The following C10orf105 variants were observed in gnomAD, a reference collection of about 807,000 sequenced individuals.
C10orf105 encodes uncharacterized protein C10orf105.
In C10orf105, 2 loss-of-function variants were observed where a neutral mutation model predicts 0.6. That is an observed-to-expected ratio of 3.18 (90% CI 1.30 to 10.01). The LOEUF (loss-of-function observed/expected upper bound fraction) is 10.01, where lower values mean the gene tolerates loss of function less well. Ranked by LOEUF, C10orf105 falls within the 30% of genes most tolerant of loss-of-function variation. The pLI, the probability that C10orf105 is intolerant of heterozygous loss-of-function variation, is 0.04. For synonymous variants in C10orf105, 95 were observed against 82.4 expected (o/e 1.15, Z -0.83); for missense variants, 209 against 191.4 (o/e 1.09, Z -0.54).
intron 1 of C10orf105, among the ~76,000 whole-genome samples, chr10:71,731,263 G>C (rs913511133): frequency 2.0e-5 from 3 of 152,228 alleles, no homozygotes; most frequent in Non-Finnish European, 2.9e-5. Flanking sequence ...CCCCAGAGAG[G>C]CTCCCTGAGC....
intron 1 of C10orf105, among the ~76,000 whole-genome samples, chr10:71,729,980 G>A (rs542745580): frequency 1.3e-3 from 196 of 151,924 alleles, no homozygotes; most frequent in Non-Finnish European, 2.3e-3. Context: ...GACTACAGGC[G>A]CCCGCCACCA....
chr10:71,717,530 G>A (rs1298367422), intron 1 of C10orf105: 1 of 152,296 alleles, frequency 6.6e-6, no homozygotes, highest in East Asian at 1.9e-4. Context: ...GACGGTCCTT[G>A]TCGATGGAAA....
At chr10:71,728,576 C>CA (rs1291505530) in intron 1 of C10orf105, among the ~76,000 whole-genome samples, 2 of 152,224 alleles carry the variant, frequency 1.3e-5, no homozygotes, top group Non-Finnish European at 1.5e-5. Flanking sequence ...GCCAGACACA[C>CA]ACGCCTCTGC....
intron 1 of C10orf105, chr10:71,730,415 G>A: frequency 6.3e-7 from 1 of 1,595,412 alleles, no homozygotes; most frequent in Non-Finnish European, 8.5e-7. Flanking sequence ...CAAGCCCTGG[G>A]CTTCCCAGCC....
At chr10:71,716,578 C>G (rs369583826) in intron 1 of C10orf105, 2 of 428,570 alleles carry the variant, frequency 4.7e-6, no homozygotes, top group Non-Finnish European at 8.3e-6. Flanking sequence ...CCTGTTCCAC[C>G]CTGTGCCCAT....
At chr10:71,720,169 G>A (rs1271860040), upstream of C10orf105, among the ~76,000 whole-genome samples, 4 of 152,204 alleles carry the variant, frequency 2.6e-5, no homozygotes, top group Non-Finnish European at 4.4e-5. Flanking sequence ...CAGGGAGAGT[G>A]CTGGTCCCTG....
upstream of C10orf105, among the ~76,000 whole-genome samples, chr10:71,721,829 G>A (rs1049215696): frequency 4.6e-5 from 7 of 152,204 alleles, no homozygotes; most frequent in African/African-American, 1.7e-4. Context: ...ACAGCCCTCT[G>A]CTGTCCCTGC....
chr10:71,724,639 T>C (rs760988084), upstream of C10orf105, among the ~76,000 whole-genome samples: 1 of 152,184 alleles, frequency 6.6e-6, no homozygotes, highest in Non-Finnish European at 1.5e-5. Flanking sequence ...AGTCCTGCTG[T>C]CCTGCAGAGC....
intron 1 of C10orf105, among the ~76,000 whole-genome samples, chr10:71,728,858 CA>C (rs2132814642): frequency 6.6e-6 from 1 of 152,282 alleles, no homozygotes; most frequent in South Asian, 2.1e-4. Flanking sequence ...TGCATGTCAC[CA>C]CCCCCGGCTA....
chr10:71,718,897 T>C (rs1259270014), intron 1 of C10orf105, among the ~76,000 whole-genome samples: 1 of 151,940 alleles, frequency 6.6e-6, no homozygotes, highest in Non-Finnish European at 1.5e-5. Context: ...TGAGTCTTCA[T>C]TTCTGAAAGA....
intron 1 of C10orf105, among the ~76,000 whole-genome samples, chr10:71,736,009 G>T (rs1161433602): frequency 6.6e-6 from 1 of 152,244 alleles, no homozygotes; most frequent in Non-Finnish European, 1.5e-5. Flanking sequence ...GGCCCACCTG[G>T]CCCTCACACA....
chr10:71,734,719 C>T, intron 1 of C10orf105: 1 of 1,144,972 alleles, frequency 8.7e-7, no homozygotes, highest in South Asian at 1.2e-5. Flanking sequence ...GCTGGCCGGG[C>T]TCTGCCTGGC....
chr10:71,730,605 G>A lies in C10orf105; in HGVS notation c.-6+7123C>T, dbSNP rs1564762808. On this transcript the variant is annotated intron_variant, in intron 1 of 1. Coordinates refer to the C10orf105 transcript ENST00000398786. ...GTCCAAGCCACAGACCGAGACTCTG[G>A]TGAGGCTGGCAGGAGGAAGCCGGGG... 1 of 1,613,766 alleles carries A rather than the reference G, an allele frequency of 6.2e-7. No homozygotes were observed. Among genetic ancestry groups the A allele is most frequent in the Non-Finnish European group, 8.5e-7 (1 of 1,179,874 alleles).
rs540342115 is a variant in C10orf105 at position 71,715,526 on chromosome 10, C to T, written c.*410G>A. 1.8e-5 allele frequency: 3 copies of T among 164,098 alleles called. No homozygotes were observed. Among genetic ancestry groups the T allele is most frequent in the African/African-American group, 7.1e-5 (3 of 41,966 alleles). 10.2% of individuals were successfully genotyped at this position (164,098 alleles called of 1,614,324 possible). On this transcript the variant is annotated 3_prime_UTR_variant, in exon 2 of 2. Transcript: ENST00000441508. ...GGTGTAGGCTGAGCATTTCACTTGA[C>T]TAAAGGGAACCTTTGCCATTTGGCA...
At position 71,713,302 on chromosome 10, in the gene C10orf105, A is replaced by G. The variant is rs766040327; in HGVS notation, c.*2634T>C. The G allele has an allele frequency of 7.7e-6, 6 of 779,048 alleles. No individual in the cohort carries two copies. The South Asian group carries it at 8.1e-5, about 10-fold the overall frequency. 48.3% of individuals were successfully genotyped at this position (779,048 alleles called of 1,614,324 possible). On this transcript the variant is annotated 3_prime_UTR_variant, in exon 2 of 2. Coordinates refer to ENST00000441508, the MANE Select transcript of C10orf105 (RefSeq NM_001164375.3). ...CAACAGCTCCAAGGCTCAGAGGGAGAGAAGGGAGGACCCTGAAAACAATTT... is the reference window on the plus strand; with the variant it reads ...CAACAGCTCCAAGGCTCAGAGGGAGGGAAGGGAGGACCCTGAAAACAATTT...
At chr10:71,735,768 C>T (rs954101025) in intron 1 of C10orf105, among the ~76,000 whole-genome samples, 13 of 152,194 alleles carry the variant, frequency 8.5e-5, no homozygotes, top group Non-Finnish European at 1.6e-4. Flanking sequence ...CTGGGCCATA[C>T]CTAAAGGCCC....
At chr10:71,727,135 T>G (rs74861291) in intron 1 of C10orf105, among the ~76,000 whole-genome samples, 2 of 152,192 alleles carry the variant, frequency 1.3e-5, no homozygotes, top group Non-Finnish European at 2.9e-5. Flanking sequence ...GTAACCCTCA[T>G]AATAGCCTTA....
Position 71,715,694 on chromosome 10 carries a change from C to T in C10orf105, c.*242G>A, listed in dbSNP as rs1441969236. Reference sequence around the variant, plus strand: ...GGCCCAGATGACCACGAGTGCACATCTCTTGACCAGAAGTCTTTCATCAAG... The same window carrying T: ...GGCCCAGATGACCACGAGTGCACATTTCTTGACCAGAAGTCTTTCATCAAG... On this transcript the variant is annotated 3_prime_UTR_variant, in exon 2 of 2. Transcript: ENST00000441508. 4 of 390,984 alleles carry T rather than the reference C, an allele frequency of 1.0e-5. No individual in the cohort carries two copies. Among genetic ancestry groups the T allele is most frequent in the Admixed American group, 4.2e-5 (1 of 24,036 alleles). 24.2% of individuals were successfully genotyped at this position (390,984 alleles called of 1,614,324 possible). A position where few individuals can be genotyped will look rare whatever the true frequency, so the allele number is the denominator to read the frequency against.
At chr10:71,734,735 A>G in intron 1 of C10orf105, 1 of 925,066 alleles carries the variant, frequency 1.1e-6, no homozygotes, top group South Asian at 1.3e-5. Flanking sequence ...CTGGCCCTGG[A>G]CCTTCCCACC....
Sources: allele counts gnomAD v4.1 joint callset (sites outside exome capture counted in the v4.1 genomes callset), GRCh38; gene constraint gnomAD v4.1.1; transcripts MANE v1.5; gene names NCBI Gene and HGNC (gene_info 2026-07-23, HGNC 2026-07-21).